RBFOX1: variants seen among roughly 807,000 people sequenced by gnomAD.
The protein encoded by RBFOX1 is RNA binding protein fox-1 homolog 1.
RBFOX1 carries 8 observed loss-of-function variants against 57.7 expected under a neutral mutation model. That is an observed-to-expected ratio of 0.14 (90% confidence interval 0.08 to 0.25). The LOEUF (loss-of-function observed/expected upper bound fraction) is 0.25. Ranked by LOEUF, RBFOX1 falls within the 10% of genes least tolerant of loss-of-function variation. RBFOX1 has a pLI of 1.00. For missense variants in RBFOX1, 611 were observed against 548.5 expected, an observed-to-expected ratio of 1.11 and a Z score of -1.14; for synonymous variants, 326 against 222.4, an observed-to-expected ratio of 1.47 and a Z score of -4.15.
rs1173773091 is a variant in RBFOX1, at chr16:7,674,468, G to A, written c.931-2306G>A. ...TCCAAGTGGTCTACTGCACAGCAAT[G>A]AGACCACTGATCAAGGTTTAAAATC... is the stretch of plus-strand genomic sequence containing the variant. On this transcript the variant is annotated intron_variant, in intron 13 of 15. Coordinates refer to ENST00000550418, the MANE Select transcript of RBFOX1 (RefSeq NM_018723.4). 2.0e-5 allele frequency among the ~76,000 whole-genome samples: 3 copies of A among 152,210 alleles called. No individual in the cohort carries two copies. In the East Asian group the frequency reaches 5.8e-4, roughly 29 times the overall value.
intron 12 of RBFOX1, among the ~76,000 whole-genome samples, chr16:7,658,889 C>T (rs575415041): frequency 9.2e-5 from 14 of 152,262 alleles, no homozygotes; most frequent in South Asian, 4.1e-4. Context: ...CCACACCCAG[C>T]TAATTTTGTA....
chr16:6,788,795 A>G (rs1247649076), intron 3 of RBFOX1, among the ~76,000 whole-genome samples: 1 of 151,964 alleles, frequency 6.6e-6, no homozygotes, highest in Non-Finnish European at 1.5e-5. Context: ...TTTTCTGAGG[A>G]TGCCTCTGTG....
At chr16:5,632,212 G>A (rs903412869) in intron 3 of RBFOX1, among the ~76,000 whole-genome samples, 3 of 152,180 alleles carry the variant, frequency 2.0e-5, no homozygotes, top group Admixed American at 1.3e-4. Context: ...TTATTATTCT[G>A]TATTAGAGAC....
chr16:5,684,812 T>C (rs544844364), intron 3 of RBFOX1, among the ~76,000 whole-genome samples: 4 of 152,274 alleles, frequency 2.6e-5, no homozygotes, highest in East Asian at 1.9e-4. Context: ...ATCTCTACTT[T>C]AGGGTTGCTT....
intron 1 of RBFOX1, among the ~76,000 whole-genome samples, chr16:5,439,779 G>C (rs936464520): frequency 6.6e-6 from 1 of 152,116 alleles, no homozygotes; most frequent in Non-Finnish European, 1.5e-5. Context: ...GTTCAGCATG[G>C]CTGGGGAGGC....
intron 1 of RBFOX1, among the ~76,000 whole-genome samples, chr16:6,279,893 A>AT (rs747843169): frequency 0.016 from 2,400 of 149,226 alleles, 17 homozygotes; most frequent in Non-Finnish European, 0.024. Flanking sequence ...CTAGGTGAGG[A>AT]TTTTTTTTTT....
At chr16:6,082,201 G>A (rs948556885) in intron 1 of RBFOX1, among the ~76,000 whole-genome samples, 13 of 106,876 alleles carry the variant, frequency 1.2e-4, no homozygotes, top group African/African-American at 5.0e-4. Flanking sequence ...TTTTTTTTGA[G>A]ATGGATCCTT....
chr16:7,114,134 T>G (rs919187247), intron 4 of RBFOX1, among the ~76,000 whole-genome samples: 4 of 152,202 alleles, frequency 2.6e-5, no homozygotes, highest in South Asian at 2.1e-4. Flanking sequence ...CTCTTGAGTT[T>G]TTAACTTTCA....
intron 2 of RBFOX1, among the ~76,000 whole-genome samples, chr16:6,540,967 C>T (rs138780024): frequency 3.8e-4 from 58 of 152,234 alleles, no homozygotes; most frequent in African/African-American, 1.3e-3. Flanking sequence ...TGCCAGAACC[C>T]CCTAGACATT....
chr16:5,509,059 G>T (rs2043485474), intron 2 of RBFOX1, among the ~76,000 whole-genome samples: 1 of 152,210 alleles, frequency 6.6e-6, no homozygotes, highest in Non-Finnish European at 1.5e-5. Flanking sequence ...CACTAGCTGT[G>T]TCTCAGGTGC....
intron 4 of RBFOX1, among the ~76,000 whole-genome samples, chr16:7,119,013 C>T (rs1427565398): frequency 6.6e-6 from 1 of 152,056 alleles, no homozygotes; most frequent in South Asian, 2.1e-4. Context: ...CCAGAGGACA[C>T]TCATGGGGAG....
At chr16:7,401,938 A>C (rs1202291496) in intron 4 of RBFOX1, among the ~76,000 whole-genome samples, 2 of 152,226 alleles carry the variant, frequency 1.3e-5, no homozygotes, top group African/African-American at 4.8e-5. Context: ...TTAAATCTCC[A>C]AAAGAGGAAT....
chr16:5,713,544 G>A (rs1444612257), intron 3 of RBFOX1, among the ~76,000 whole-genome samples: 1 of 152,140 alleles, frequency 6.6e-6, no homozygotes, highest in Admixed American at 6.5e-5. Flanking sequence ...CTCTCCAAAG[G>A]ATGCCTCTTT....
At chr16:6,758,411 G>A (rs1468800439) in intron 3 of RBFOX1, among the ~76,000 whole-genome samples, 2 of 152,078 alleles carry the variant, frequency 1.3e-5, no homozygotes, top group Non-Finnish European at 2.9e-5. Flanking sequence ...ATTTGTCATA[G>A]CAACGGGTGC....
At chr16:6,639,089 C>T (rs549393610) in intron 2 of RBFOX1, among the ~76,000 whole-genome samples, 2 of 152,330 alleles carry the variant, frequency 1.3e-5, no homozygotes, top group South Asian at 2.1e-4. Flanking sequence ...AGAGCAGCAG[C>T]CATTTCTTGC....
At chr16:5,618,469 C>T (rs1315171696) in intron 3 of RBFOX1, among the ~76,000 whole-genome samples, 1 of 152,134 alleles carries the variant, frequency 6.6e-6, no homozygotes, top group Non-Finnish European at 1.5e-5. Flanking sequence ...TCCCAAGTAG[C>T]TGGGACTACA....
At chr16:7,510,914 A>C (rs1302282773) in intron 4 of RBFOX1, among the ~76,000 whole-genome samples, 3 of 152,128 alleles carry the variant, frequency 2.0e-5, no homozygotes, top group Non-Finnish European at 2.9e-5. Flanking sequence ...GCATGTCTTC[A>C]TTATAAGGGT....
chr16:6,120,108 C>T (rs907963353), intron 1 of RBFOX1, among the ~76,000 whole-genome samples: 4 of 149,646 alleles, frequency 2.7e-5, no homozygotes, highest in African/African-American at 7.7e-5. Context: ...TGTGGTAGCA[C>T]ACATCAGTGC....
chr16:7,031,018 C>G (rs1289543808), intron 3 of RBFOX1, among the ~76,000 whole-genome samples: 2 of 152,120 alleles, frequency 1.3e-5, no homozygotes, highest in East Asian at 1.9e-4. Context: ...CCTTTATGAC[C>G]TAGTTGGTTT....
Sources: allele counts gnomAD v4.1 joint callset (sites outside exome capture counted in the v4.1 genomes callset), GRCh38; gene constraint gnomAD v4.1.1; transcripts MANE v1.5; gene names NCBI Gene and HGNC (gene_info 2026-07-23, HGNC 2026-07-21).